MAF: variants seen among roughly 807,000 people sequenced by gnomAD.
MAF encodes MAF bZIP transcription factor.
A neutral mutation model predicts 22.0 loss-of-function variants in MAF; 10 were observed. The ratio of observed to expected loss-of-function variants is 0.45; its 90% CI spans 0.28 to 0.77. The LOEUF (loss-of-function observed/expected upper bound fraction) is 0.77. Among genes scored for constraint, MAF ranks in the 30% least tolerant of loss-of-function variants. MAF has a pLI of 0.12. For synonymous variants in MAF, 337 were observed against 255.8 expected, an observed-to-expected ratio of 1.32 and a Z score of -3.03; for missense variants, 544 against 548.4, an observed-to-expected ratio of 0.99 and a Z score of 0.08.
chr16:79,318,782 G>A, the MAF span, among the ~76,000 whole-genome samples: 1 of 152,184 alleles, frequency 6.6e-6, no homozygotes, highest in African/African-American at 2.4e-5. Flanking sequence ...AAGAGACACA[G>A]GGAAAAGAGC....
the MAF span, among the ~76,000 whole-genome samples, chr16:79,255,904 G>C: frequency 6.6e-6 from 1 of 151,640 alleles, no homozygotes; most frequent in African/African-American, 2.4e-5. Flanking sequence ...TGTGAGAAAT[G>C]ATCAACACTG....
chr16:79,518,096 A>G, the MAF span, among the ~76,000 whole-genome samples: 16 of 152,222 alleles, frequency 1.1e-4, no homozygotes, highest in Non-Finnish European at 2.2e-4. Context: ...ACATTAGTTT[A>G]TTACATTCTC....
At chr16:79,465,112 G>C in the MAF span, among the ~76,000 whole-genome samples, 1 of 152,166 alleles carries the variant, frequency 6.6e-6, no homozygotes, top group Non-Finnish European at 1.5e-5. Flanking sequence ...AACATTTTAA[G>C]AATAGTTGTC....
At chr16:79,532,838 C>T in the MAF span, among the ~76,000 whole-genome samples, 12 of 152,312 alleles carry the variant, frequency 7.9e-5, no homozygotes, top group African/African-American at 2.9e-4. Context: ...CCTTGTCTCG[C>T]CCTCCCCAAG....
the MAF span, among the ~76,000 whole-genome samples, chr16:79,237,415 T>C: frequency 6.6e-6 from 1 of 152,100 alleles, no homozygotes; most frequent in Non-Finnish European, 1.5e-5. Flanking sequence ...TTCCACTCGG[T>C]AAATCTCTGC....
At chr16:79,486,132 A>G in the MAF span, among the ~76,000 whole-genome samples, 3 of 152,194 alleles carry the variant, frequency 2.0e-5, no homozygotes, top group African/African-American at 2.4e-5. Context: ...ATGCTCACCC[A>G]TAACTTTCCC....
chr16:79,571,204 T>G, the MAF span, among the ~76,000 whole-genome samples: 1 of 152,104 alleles, frequency 6.6e-6, no homozygotes, highest in African/African-American at 2.4e-5. Context: ...TATTCAAATT[T>G]GGCTGCATAG....
At chr16:79,477,250 T>C in the MAF span, among the ~76,000 whole-genome samples, 3 of 152,176 alleles carry the variant, frequency 2.0e-5, no homozygotes, top group Admixed American at 6.5e-5. Context: ...GCCTCTGTCA[T>C]GCTTTGTGGC....
the MAF span, among the ~76,000 whole-genome samples, chr16:79,487,097 G>A: frequency 3.3e-5 from 5 of 151,546 alleles, no homozygotes; most frequent in Non-Finnish European, 5.9e-5. Context: ...CCAAAACACT[G>A]TTTTATATAC....
the MAF span, among the ~76,000 whole-genome samples, chr16:79,246,991 A>C: frequency 6.6e-6 from 1 of 152,252 alleles, no homozygotes; most frequent in African/African-American, 2.4e-5. Flanking sequence ...ACAAAAAATA[A>C]ATCAATCAAT....
chr16:79,354,472 C>G, the MAF span, among the ~76,000 whole-genome samples: 2 of 152,056 alleles, frequency 1.3e-5, no homozygotes, highest in Non-Finnish European at 2.9e-5. Flanking sequence ...GGAGTGGGGA[C>G]AGAAGCAAAT....
the MAF span, among the ~76,000 whole-genome samples, chr16:79,421,603 A>C: frequency 2.0e-5 from 3 of 151,884 alleles, no homozygotes; most frequent in East Asian, 3.9e-4. Flanking sequence ...CAGGCCGGAG[A>C]AAAGGGAAAG....
chr16:79,364,772 T>A, the MAF span, among the ~76,000 whole-genome samples: 5 of 152,210 alleles, frequency 3.3e-5, no homozygotes, highest in African/African-American at 1.2e-4. Flanking sequence ...GCCTGTGGGA[T>A]CTTCCCGTGT....
chr16:79,577,529 C>T, the MAF span, among the ~76,000 whole-genome samples: 2 of 152,086 alleles, frequency 1.3e-5, no homozygotes, highest in East Asian at 1.9e-4. Flanking sequence ...AGGAGACACT[C>T]GGTGCATGGT....
At chr16:79,397,654 T>G in the MAF span, among the ~76,000 whole-genome samples, 1 of 152,224 alleles carries the variant, frequency 6.6e-6, no homozygotes. Flanking sequence ...ATCCAGGGCT[T>G]GCTAGTTCCC....
At chr16:79,433,864 C>T in the MAF span, among the ~76,000 whole-genome samples, 1 of 152,170 alleles carries the variant, frequency 6.6e-6, no homozygotes, top group Admixed American at 6.5e-5. Context: ...AAAGATCTGG[C>T]ATGACTGGTC....
the MAF span, among the ~76,000 whole-genome samples, chr16:79,539,033 T>G: frequency 2.6e-3 from 391 of 152,114 alleles, 1 homozygote; most frequent in African/African-American, 9.0e-3. Context: ...AGAAAAATGT[T>G]CAAGAGTAGA....
At chr16:79,430,483 C>A in the MAF span, among the ~76,000 whole-genome samples, 1 of 152,262 alleles carries the variant, frequency 6.6e-6, no homozygotes, top group Non-Finnish European at 1.5e-5. Context: ...TTTCTGCTCT[C>A]AGCTCCAGTG....
the MAF span, among the ~76,000 whole-genome samples, chr16:79,253,346 GTGT>G: frequency 2.0e-5 from 3 of 152,164 alleles, no homozygotes; most frequent in African/African-American, 7.2e-5. Flanking sequence ...CTGGACTAAA[GTGT>G]TGTTTGCTTT....
Sources: gnomAD v4.1 joint callset for allele counts (sites outside exome capture counted in the v4.1 genomes callset) on GRCh38, gnomAD v4.1.1 for gene constraint, MANE v1.5 for transcripts, NCBI Gene and HGNC (gene_info 2026-07-23, HGNC 2026-07-21) for gene names.